The following DLGAP2 variants were observed in gnomAD, a reference collection of about 807,000 sequenced individuals.
DLGAP2 encodes the protein DLG associated protein 2, also known as disks large-associated protein 2.
Under a neutral mutation model 100.3 loss-of-function variants are expected in DLGAP2, and 26 were observed. The observed-to-expected ratio is 0.26, with a 90% confidence interval of 0.19 to 0.36. The LOEUF (loss-of-function observed/expected upper bound fraction) is 0.36. DLGAP2 is among the 10% of genes least tolerant of loss of function. The pLI is 1.00. For synonymous variants in DLGAP2, 886 were observed against 630.1 expected (o/e 1.41, Z -6.08); for missense variants, 1,858 against 1,453.2 (o/e 1.28, Z -4.53).
chr8:1,301,528 C>T (rs762929693), intron 3 of DLGAP2: 1 of 152,060 alleles, frequency 6.6e-6, no homozygotes, highest in Admixed American at 6.5e-5. Flanking sequence ...AAGTGTGTGA[C>T]ACGAACACTT....
At chr8:876,602 T>C (rs1416063593) in intron 1 of DLGAP2, among the ~76,000 whole-genome samples, 2 of 152,230 alleles carry the variant, frequency 1.3e-5, no homozygotes, top group African/African-American at 4.8e-5. Flanking sequence ...TACTGTGACT[T>C]ATCTGTTTGT....
chr8:1,492,721 C>G (rs1421242893), intron 3 of DLGAP2, among the ~76,000 whole-genome samples: 1 of 152,226 alleles, frequency 6.6e-6, no homozygotes, highest in Non-Finnish European at 1.5e-5. Context: ...GACTTCCAAC[C>G]AGGCACCTTC....
At chr8:869,656 C>T (rs934132943) in intron 1 of DLGAP2, among the ~76,000 whole-genome samples, 2 of 152,176 alleles carry the variant, frequency 1.3e-5, no homozygotes, top group East Asian at 1.9e-4. Context: ...TAAAAGACTC[C>T]TTAGTCTTAA....
intron 3 of DLGAP2, among the ~76,000 whole-genome samples, chr8:1,430,822 G>A (rs536632326): frequency 2.6e-5 from 4 of 152,254 alleles, no homozygotes; most frequent in East Asian, 1.9e-4. Flanking sequence ...ACCCTGACAC[G>A]TCTGACACAT....
intron 6 of DLGAP2, among the ~76,000 whole-genome samples, chr8:1,575,424 G>GA (rs1802923640): frequency 6.6e-6 from 1 of 150,560 alleles, no homozygotes; most frequent in Non-Finnish European, 1.5e-5. Flanking sequence ...AGGGTCAAAA[G>GA]AACCACCCTC....
At position 1,507,195 on chromosome 8, in the gene DLGAP2, C is replaced by T. The variant is rs117584735; in HGVS notation, c.172+5764C>T. Among the ~76,000 whole-genome samples, 183 of 152,330 alleles carry T rather than the reference C, an allele frequency of 1.2e-3. 2 individuals carry two copies. The East Asian group carries it at 0.027, about 23-fold the overall frequency. ...TTGGAGGGTCAATGGGACCGGGCGC[C>T]GCGGAGCAGGGGGCAGCGTCCATCA... is the stretch of plus-strand genomic sequence containing the variant. On this transcript the variant is annotated intron_variant, in intron 4 of 14. Coordinates refer to ENST00000637795, the MANE Select transcript of DLGAP2 (RefSeq NM_001346810.2).
At chr8:1,242,988 C>T (rs1237455176) in intron 2 of DLGAP2, among the ~76,000 whole-genome samples, 1 of 152,180 alleles carries the variant, frequency 6.6e-6, no homozygotes, top group African/African-American at 2.4e-5. Flanking sequence ...AATATCACCC[C>T]AAGCATCGTC....
At chr8:1,084,993 C>G (rs1585044790) in intron 2 of DLGAP2, among the ~76,000 whole-genome samples, 1 of 152,200 alleles carries the variant, frequency 6.6e-6, no homozygotes, top group Non-Finnish European at 1.5e-5. Context: ...TAACAGCGAA[C>G]AGGGTTCCCA....
rs995531203 is a variant in DLGAP2 at position 1,463,412 on chromosome 8, C to T, written c.107-37954C>T. Among the ~76,000 whole-genome samples, 7 of 152,220 alleles carry T rather than the reference C, an allele frequency of 4.6e-5. No homozygotes were observed. The South Asian group carries it at 6.2e-4, about 13-fold the overall frequency. Reference sequence around the variant, plus strand: ...AGAAAGCCACTCAGAGAGAACCCAGCATGGCTATGTAGTGTGTCCAGGGAC... The same window carrying T: ...AGAAAGCCACTCAGAGAGAACCCAGTATGGCTATGTAGTGTGTCCAGGGAC... On this transcript the variant is annotated intron_variant, in intron 3 of 14. Coordinates refer to ENST00000637795, the MANE Select transcript of DLGAP2 (RefSeq NM_001346810.2).
intron 3 of DLGAP2, among the ~76,000 whole-genome samples, chr8:1,424,741 C>T (rs950746632): frequency 1.3e-5 from 2 of 151,750 alleles, no homozygotes; most frequent in Admixed American, 6.6e-5. Context: ...GATCCCCTTA[C>T]ACGCAGCACC....
intron 3 of DLGAP2, among the ~76,000 whole-genome samples, chr8:1,449,396 C>A (rs921599766): frequency 8.5e-5 from 13 of 152,174 alleles, no homozygotes; most frequent in African/African-American, 3.1e-4. Context: ...TGTCTTGGGG[C>A]TGGAGCTTCC....
chr8:1,683,854 ATATGTGTGTGTGTGTGTGTGTG>A (rs1395563560), intron 12 of DLGAP2, among the ~76,000 whole-genome samples: 3 of 72,982 alleles, frequency 4.1e-5, no homozygotes. Context: ...ATATATATAT[ATATGTGTGTGTGTGTGTGTGTG>A]TGTGTGTGTG....
chr8:1,443,475 G>A (rs1797896275), intron 3 of DLGAP2, among the ~76,000 whole-genome samples: 1 of 152,168 alleles, frequency 6.6e-6, no homozygotes, highest in African/African-American at 2.4e-5. Context: ...ACATCCCTCA[G>A]TCTTCTCCTG....
At chr8:1,336,748 T>C (rs11991513) in intron 3 of DLGAP2, among the ~76,000 whole-genome samples, 67,598 of 152,110 alleles carry the variant, frequency 0.44, 18,462 homozygotes, top group African/African-American at 0.78. Context: ...CTCAGCTTAC[T>C]AGTGAAAGCA....
chr8:996,902 G>GT (rs1430052742), intron 2 of DLGAP2, among the ~76,000 whole-genome samples: 6 of 152,136 alleles, frequency 3.9e-5, no homozygotes, highest in African/African-American at 1.4e-4. Context: ...CTTCCCACAA[G>GT]TCACACTGTG....
intron 2 of DLGAP2, among the ~76,000 whole-genome samples, chr8:1,121,458 C>G (rs935890391): frequency 2.0e-5 from 3 of 151,828 alleles, no homozygotes; most frequent in African/African-American, 7.3e-5. Flanking sequence ...GAACACATGA[C>G]CTCCCATCCT....
rs759003437 is a variant in DLGAP2, at chr8:1,691,567, G to T, written c.2737G>T (p.Ala913Ser). ...TAAAATCAGGAGTGCTGTTGGGAGT[G>T]CCCAGCTTCTCATGTCCCAGAAATT... is the stretch of plus-strand genomic sequence containing the variant. ...LGKIRSAVGS[A>S]QLLMSQKFQQ... The change falls in exon 13 of 15, where the codon GCC becomes TCC. Residue 913 changes from alanine to serine, a missense_variant. Coordinates refer to ENST00000637795, the MANE Select transcript of DLGAP2 (RefSeq NM_001346810.2). 1 of 1,613,918 alleles carries T rather than the reference G, an allele frequency of 6.2e-7. No homozygotes were observed. The highest frequency in any genetic ancestry group is 1.1e-5 in the South Asian group (1 of 91,062).
At position 1,061,161 on chromosome 8, in the gene DLGAP2, T is replaced by A. The variant is rs958974262; in HGVS notation, c.73+153195T>A. ...GATTTGGTAGACCTGGCGCTGTCCT[T>A]TGCCAGCCAGCCTTGTTCGTGGTGA... On this transcript the variant is annotated intron_variant, in intron 2 of 14. Coordinates refer to ENST00000637795, the MANE Select transcript of DLGAP2 (RefSeq NM_001346810.2). Among the ~76,000 whole-genome samples the A allele has an allele frequency of 7.2e-5, 11 of 152,172 alleles. No individual in the cohort carries two copies. In the East Asian group the frequency reaches 2.1e-3, roughly 29 times the overall value.
chr8:818,104 G>T (rs561541339), intron 1 of DLGAP2, among the ~76,000 whole-genome samples: 1 of 152,166 alleles, frequency 6.6e-6, no homozygotes, highest in Non-Finnish European at 1.5e-5. Flanking sequence ...GGTGGGTAGA[G>T]AAAGACCACC....
Sources: gnomAD v4.1 joint callset for allele counts (sites outside exome capture counted in the v4.1 genomes callset) on GRCh38, gnomAD v4.1.1 for gene constraint, MANE v1.5 for transcripts, NCBI Gene and HGNC (gene_info 2026-07-23, HGNC 2026-07-21) for gene names.